The following SLC2A13 variants were observed in gnomAD, a reference collection of about 807,000 sequenced individuals.
SLC2A13 encodes the protein proton myo-inositol cotransporter.
Under a neutral mutation model 64.4 loss-of-function variants are expected in SLC2A13, and 32 were observed. The observed-to-expected ratio is 0.50, with a 90% CI of 0.37 to 0.67. The LOEUF is 0.67. Among genes scored for constraint, SLC2A13 ranks in the 30% least tolerant of loss-of-function variants. SLC2A13 has a pLI of 0.00. For synonymous variants in SLC2A13, 338 were observed against 327.1 expected, an observed-to-expected ratio of 1.03 and a Z score of -0.36; for missense variants, 743 against 829.2, an observed-to-expected ratio of 0.90 and a Z score of 1.28.
intron 4 of SLC2A13, among the ~76,000 whole-genome samples, chr12:39,910,917 T>C (rs1206831288): frequency 6.6e-6 from 1 of 151,996 alleles, no homozygotes; most frequent in Non-Finnish European, 1.5e-5. Context: ...ACCCCGTCTC[T>C]ACTAAAAATA....
intron 4 of SLC2A13, among the ~76,000 whole-genome samples, chr12:39,897,276 C>A (rs11174182): frequency 3.9e-4 from 60 of 152,226 alleles, no homozygotes; most frequent in Non-Finnish European, 7.8e-4. Flanking sequence ...TTTAAAAGAA[C>A]GTGGTTATGC....
intron 1 of SLC2A13, among the ~76,000 whole-genome samples, chr12:40,082,122 G>A (rs11175102): frequency 0.072 from 10,902 of 152,200 alleles, 706 homozygotes; most frequent in East Asian, 0.38. Flanking sequence ...AAAGGGCTTC[G>A]GCAAGGCAGC....
intron 1 of SLC2A13, among the ~76,000 whole-genome samples, chr12:40,101,399 T>C (rs1245597818): frequency 5.9e-5 from 9 of 152,216 alleles, no homozygotes; most frequent in African/African-American, 1.9e-4. Context: ...CAAAGGTTTC[T>C]ACTGAAGGGT....
At chr12:40,009,213 T>C (rs900682783) in intron 3 of SLC2A13, among the ~76,000 whole-genome samples, 1 of 152,184 alleles carries the variant, frequency 6.6e-6, no homozygotes, top group African/African-American at 2.4e-5. Context: ...AAGAGGAATT[T>C]AGCTTTATCT....
chr12:40,063,460 A>C (rs979487687), intron 1 of SLC2A13, among the ~76,000 whole-genome samples: 23 of 136,310 alleles, frequency 1.7e-4, no homozygotes, highest in Non-Finnish European at 3.1e-4. Context: ...CATCTAAATT[A>C]GTAAAAAAAA....
At chr12:40,074,738 G>A (rs746720718) in intron 1 of SLC2A13, among the ~76,000 whole-genome samples, 18 of 151,620 alleles carry the variant, frequency 1.2e-4, no homozygotes, top group Non-Finnish European at 2.5e-4. Flanking sequence ...TTTTTTTCTT[G>A]ATAGCCAGAC....
chr12:39,772,291 A>G (rs1199259528), intron 7 of SLC2A13, among the ~76,000 whole-genome samples: 1 of 152,140 alleles, frequency 6.6e-6, no homozygotes, highest in East Asian at 1.9e-4. Flanking sequence ...TCTGTGTCTC[A>G]ATTTTCTTGT....
intron 6 of SLC2A13, among the ~76,000 whole-genome samples, chr12:39,847,032 T>C (rs1943336498): frequency 6.6e-6 from 1 of 152,224 alleles, no homozygotes; most frequent in Non-Finnish European, 1.5e-5. Flanking sequence ...ATGAAAGAGA[T>C]ATTAATGATT....
At chr12:39,834,366 T>C (rs1313849287) in intron 6 of SLC2A13, among the ~76,000 whole-genome samples, 1 of 152,066 alleles carries the variant, frequency 6.6e-6, no homozygotes, top group Non-Finnish European at 1.5e-5. Context: ...CCTCTTTTCC[T>C]CCAGGCTCTG....
chr12:39,786,157 A>G (rs1941177908), intron 7 of SLC2A13, among the ~76,000 whole-genome samples: 1 of 152,122 alleles, frequency 6.6e-6, no homozygotes, highest in Admixed American at 6.5e-5. Flanking sequence ...GTCCCCACCC[A>G]AATCTCAACT....
chr12:40,005,791 A>G (rs1193238021), intron 3 of SLC2A13, among the ~76,000 whole-genome samples: 1 of 152,184 alleles, frequency 6.6e-6, no homozygotes, highest in Non-Finnish European at 1.5e-5. Flanking sequence ...GACTTGAGCA[A>G]TCACAGATTT....
chr12:39,812,372 CT>C (rs748716998), intron 7 of SLC2A13, among the ~76,000 whole-genome samples: 11,809 of 141,370 alleles, frequency 0.084, 571 homozygotes, highest in Middle Eastern at 0.11. Context: ...CTTTTCTTTT[CT>C]TTTCTTTTCT....
chr12:40,005,003 G>A (rs1029192865), intron 3 of SLC2A13, among the ~76,000 whole-genome samples: 6 of 152,044 alleles, frequency 3.9e-5, no homozygotes, highest in Admixed American at 1.3e-4. Context: ...CAGAGGTGGC[G>A]GGGGAAGAAA....
intron 7 of SLC2A13, among the ~76,000 whole-genome samples, chr12:39,818,748 A>G (rs908438579): frequency 1.3e-5 from 2 of 152,222 alleles, no homozygotes; most frequent in African/African-American, 4.8e-5. Context: ...TAGGCAGAAT[A>G]AATGTAGATG....
intron 4 of SLC2A13, among the ~76,000 whole-genome samples, chr12:39,896,483 T>C (rs761685367): frequency 2.7e-5 from 4 of 148,164 alleles, no homozygotes; most frequent in South Asian, 2.1e-4. Flanking sequence ...TGTATATGTG[T>C]ATATATGTAC....
chr12:40,048,853 A>T (rs138037106), intron 1 of SLC2A13, among the ~76,000 whole-genome samples: 116 of 152,290 alleles, frequency 7.6e-4, no homozygotes, highest in Non-Finnish European at 1.2e-3. Flanking sequence ...ACTGATAACC[A>T]GAATTACTCA....
Position 39,896,525 on chromosome 12 carries a change from TATAC to T in SLC2A13, c.1035-24568_1035-24565del, listed in dbSNP as rs1437916053. 7.7e-3 allele frequency among the ~76,000 whole-genome samples: 1,133 copies of T among 147,932 alleles called. 37 individuals carry two copies. The highest frequency in any genetic ancestry group is 0.027 in the African/African-American group (1,070 of 40,106). On this transcript the variant is annotated intron_variant, in intron 4 of 9. Transcript: ENST00000280871. ...ATGTATGTACATGTGTGTATACATG[TATAC>T]ATGTATGTATGTATGTGTGTATACA...
intron 1 of SLC2A13, among the ~76,000 whole-genome samples, chr12:40,084,628 A>G (rs1035712476): frequency 6.6e-5 from 10 of 152,234 alleles, no homozygotes; most frequent in African/African-American, 2.4e-4. Flanking sequence ...ACTATAAGGC[A>G]GCACTGGGCT....
chr12:39,896,529 CATGTATGT>C (rs201668365), intron 4 of SLC2A13, among the ~76,000 whole-genome samples: 2 of 140,258 alleles, frequency 1.4e-5, no homozygotes, highest in African/African-American at 5.5e-5. Context: ...TACATGTATA[CATGTATGT>C]ATGTATGTGT....
Sources: allele counts gnomAD v4.1 joint callset (sites outside exome capture counted in the v4.1 genomes callset), GRCh38; gene constraint gnomAD v4.1.1; transcripts MANE v1.5; gene names NCBI Gene and HGNC (gene_info 2026-07-23, HGNC 2026-07-21).